The following DOK6 variants were observed in gnomAD, a reference collection of about 807,000 sequenced individuals.
DOK6 encodes the protein docking protein 6.
In DOK6, 22 loss-of-function variants were observed where a neutral mutation model predicts 44.0. The ratio of observed to expected loss-of-function variants is 0.50; its 90% CI spans 0.36 to 0.71. The LOEUF is 0.71. Ranked by LOEUF, DOK6 falls within the 30% of genes least tolerant of loss-of-function variation. The pLI is 0.00. For synonymous variants in DOK6, 166 were observed against 145.5 expected (o/e 1.14, Z -1.01); for missense variants, 340 against 416.4 (o/e 0.82, Z 1.60).
chr18:69,608,481 A>G (rs11151514), intron 3 of DOK6, among the ~76,000 whole-genome samples: 84,417 of 152,022 alleles, frequency 0.56, 24,136 homozygotes, highest in South Asian at 0.74. Flanking sequence ...TGATTTGGAT[A>G]TTCATAGTCT....
intron 3 of DOK6, among the ~76,000 whole-genome samples, chr18:69,674,538 T>A (rs1189805264): frequency 6.6e-6 from 1 of 151,842 alleles, no homozygotes; most frequent in Non-Finnish European, 1.5e-5. Flanking sequence ...ACTCATACAC[T>A]CACAAAATAT....
chr18:69,470,685 T>C (rs1980074417), intron 1 of DOK6, among the ~76,000 whole-genome samples: 1 of 149,998 alleles, frequency 6.7e-6, no homozygotes, highest in Admixed American at 6.6e-5. Flanking sequence ...AGGGCCTGAA[T>C]GGTGGGGCGG....
intron 3 of DOK6, chr18:69,662,583 C>T (rs1422082882): frequency 6.6e-6 from 1 of 152,076 alleles, no homozygotes; most frequent in African/African-American, 2.4e-5. Flanking sequence ...ATGAATATTG[C>T]CTTTGAACAA....
intron 3 of DOK6, among the ~76,000 whole-genome samples, chr18:69,649,288 T>C (rs1052875568): frequency 6.6e-6 from 1 of 152,248 alleles, no homozygotes; most frequent in African/African-American, 2.4e-5. Context: ...TCATTTATTC[T>C]ACAATGAAAG....
At chr18:69,443,381 C>T (rs1158636518) in intron 1 of DOK6, among the ~76,000 whole-genome samples, 7 of 152,170 alleles carry the variant, frequency 4.6e-5, no homozygotes, top group Admixed American at 4.6e-4. Context: ...CCAGCTCCAG[C>T]ACTTCCGGCA....
intron 1 of DOK6, among the ~76,000 whole-genome samples, chr18:69,499,320 A>G (rs1404868442): frequency 8.5e-5 from 13 of 152,076 alleles, no homozygotes; most frequent in Non-Finnish European, 1.8e-4. Context: ...TTTATCCTGA[A>G]AAATAGAAAA....
At chr18:69,633,480 T>G (rs1984734472) in intron 3 of DOK6, among the ~76,000 whole-genome samples, 1 of 152,236 alleles carries the variant, frequency 6.6e-6, no homozygotes, top group Non-Finnish European at 1.5e-5. Context: ...TCCATGTATC[T>G]TCTTAGTATA....
intron 7 of DOK6, among the ~76,000 whole-genome samples, chr18:69,839,145 CT>C (rs1982137161): frequency 1.3e-5 from 2 of 149,728 alleles, no homozygotes; most frequent in Admixed American, 6.6e-5. Context: ...TAGACTCCCC[CT>C]AGCTCTTCCC....
intron 3 of DOK6, among the ~76,000 whole-genome samples, chr18:69,629,965 C>T (rs373630528): frequency 8.6e-4 from 131 of 151,976 alleles, no homozygotes; most frequent in African/African-American, 2.7e-3. Context: ...GGGGTTTCAC[C>T]GCGTTGGCCA....
At chr18:69,576,167 A>C (rs933654779) in intron 2 of DOK6, among the ~76,000 whole-genome samples, 7 of 152,264 alleles carry the variant, frequency 4.6e-5, no homozygotes, top group Admixed American at 6.5e-5. Context: ...CGAGATGTGG[A>C]ATCTTTGTTT....
At chr18:69,558,306 G>A (rs1359740855) in intron 1 of DOK6, among the ~76,000 whole-genome samples, 1 of 152,056 alleles carries the variant, frequency 6.6e-6, no homozygotes, top group Admixed American at 6.6e-5. Flanking sequence ...TACGGAGGTG[G>A]CTTTTAGTGT....
chr18:69,635,980 G>C (rs1421171375), intron 3 of DOK6, among the ~76,000 whole-genome samples: 1 of 152,204 alleles, frequency 6.6e-6, no homozygotes. Context: ...TTCTGTCCCT[G>C]GAAGTCTGTG....
intron 7 of DOK6, among the ~76,000 whole-genome samples, chr18:69,790,886 C>G (rs909120807): frequency 5.3e-5 from 8 of 151,950 alleles, no homozygotes; most frequent in African/African-American, 1.7e-4. Flanking sequence ...TTATTTATTC[C>G]ATCTAACTAT....
intron 3 of DOK6, among the ~76,000 whole-genome samples, chr18:69,633,434 G>T (rs944804799): frequency 2.6e-5 from 4 of 152,120 alleles, no homozygotes; most frequent in African/African-American, 9.6e-5. Flanking sequence ...AAATGTAGCT[G>T]GTTTTATCCT....
intron 3 of DOK6, among the ~76,000 whole-genome samples, chr18:69,606,629 T>C (rs181153603): frequency 5.9e-5 from 9 of 152,018 alleles, no homozygotes; most frequent in Non-Finnish European, 1.3e-4. Context: ...TGATCCTACA[T>C]GTAGAAACCC....
intron 4 of DOK6, among the ~76,000 whole-genome samples, chr18:69,692,901 T>A (rs1409652059): frequency 5.3e-5 from 8 of 152,216 alleles, no homozygotes; most frequent in African/African-American, 1.4e-4. Flanking sequence ...AATGCCTAGA[T>A]ATTTTAATTA....
chr18:69,812,902 A>C (rs1020812422), intron 7 of DOK6, among the ~76,000 whole-genome samples: 6 of 152,066 alleles, frequency 3.9e-5, no homozygotes. Context: ...CCCACGATTC[A>C]ATTACCTACA....
At chr18:69,555,151 G>A (rs1982656716) in intron 1 of DOK6, among the ~76,000 whole-genome samples, 1 of 151,958 alleles carries the variant, frequency 6.6e-6, no homozygotes, top group South Asian at 2.1e-4. Flanking sequence ...TTACAATAAT[G>A]TTTTGTGTCT....
At chr18:69,608,823 G>A (rs1370175781) in intron 3 of DOK6, among the ~76,000 whole-genome samples, 11 of 151,658 alleles carry the variant, frequency 7.3e-5, no homozygotes, top group African/African-American at 1.7e-4. Flanking sequence ...GGTGGCAGGC[G>A]CCTATAATCC....
Sources: allele counts gnomAD v4.1 joint callset (sites outside exome capture counted in the v4.1 genomes callset), GRCh38; gene constraint gnomAD v4.1.1; transcripts MANE v1.5; gene names NCBI Gene and HGNC (gene_info 2026-07-23, HGNC 2026-07-21).